Variants in SPTSSB observed in about 807,000 individuals in gnomAD.
SPTSSB encodes serine palmitoyltransferase small subunit B.
In SPTSSB, 6 loss-of-function variants were observed where a neutral mutation model predicts 7.7. The observed-to-expected ratio is 0.78, with a 90% confidence interval of 0.43 to 1.54. The LOEUF is 1.54. SPTSSB is among the 40% of genes most tolerant of loss of function. The pLI is 0.01. For synonymous variants in SPTSSB, 28 were observed against 29.7 expected (o/e 0.94, Z 0.19); for missense variants, 91 against 93.0 (o/e 0.98, Z 0.09).
At chr3:161,356,264 G>A (rs1008872901) in intron 2 of SPTSSB, among the ~76,000 whole-genome samples, 10 of 152,190 alleles carry the variant, frequency 6.6e-5, no homozygotes, top group African/African-American at 2.2e-4. Context: ...AACTGCCTTA[G>A]GAAAGACTTG....
intron 1 of SPTSSB, among the ~76,000 whole-genome samples, chr3:161,362,693 C>T (rs988657356): frequency 9.9e-5 from 15 of 151,948 alleles, no homozygotes; most frequent in African/African-American, 3.1e-4. Flanking sequence ...AGCTGCATGA[C>T]CAGACTGTGA....
rs1173947717 is a variant in SPTSSB at position 161,346,049 on chromosome 3, C to A, written c.*44G>T. On this transcript the variant is annotated 3_prime_UTR_variant, in exon 3 of 3. Coordinates refer to ENST00000620149, the MANE Select transcript of SPTSSB (RefSeq NM_001040100.2). ...GTTACCTAAATCAATAAGCTGTAAG[C>A]AACATATAAATATGCAATGCCATTT... 2.0e-6 allele frequency: 2 copies of A among 1,014,998 alleles called. No homozygotes were observed. Among genetic ancestry groups the A allele is most frequent in the Non-Finnish European group, 3.1e-6 (2 of 643,554 alleles). The allele number at this position is 1,014,998 out of a possible 1,614,324, so 62.9% of individuals were successfully genotyped here. A position where few individuals can be genotyped will look rare whatever the true frequency, so the allele number is the denominator to read the frequency against.
At chr3:161,347,647 G>A (rs566555851) in intron 2 of SPTSSB, among the ~76,000 whole-genome samples, 6 of 152,164 alleles carry the variant, frequency 3.9e-5, no homozygotes, top group African/African-American at 9.6e-5. Flanking sequence ...CAAGGCAGGC[G>A]GATCATCTGG....
chr3:161,366,985 G>A (rs1188599078), intron 1 of SPTSSB, among the ~76,000 whole-genome samples: 1 of 152,096 alleles, frequency 6.6e-6, no homozygotes, highest in Non-Finnish European at 1.5e-5. Context: ...GACCAGCCTG[G>A]CCAACATAGT....
chr3:161,371,444 G>C lies in SPTSSB; in HGVS notation c.-135C>G. On this transcript the variant is annotated 5_prime_UTR_variant, in exon 1 of 3. Transcript: ENST00000620149. ...TTTGGAAGATGCTTACCTCCCAGTTGGGTGTATCTCCCTGCGGCTTAGGTG... is the reference window on the plus strand; with the variant it reads ...TTTGGAAGATGCTTACCTCCCAGTTCGGTGTATCTCCCTGCGGCTTAGGTG... The C allele has an allele frequency of 1.0e-6, 1 of 985,444 alleles. No homozygotes were observed. The highest frequency in any genetic ancestry group is 1.2e-6 in the Non-Finnish European group (1 of 829,952). 61.0% of individuals were successfully genotyped at this position (985,444 alleles called of 1,614,324 possible). A position where few individuals can be genotyped will look rare whatever the true frequency, so the allele number is the denominator to read the frequency against.
chr3:161,355,388 A>G (rs1489757347), intron 2 of SPTSSB, among the ~76,000 whole-genome samples: 1 of 152,228 alleles, frequency 6.6e-6, no homozygotes, highest in Non-Finnish European at 1.5e-5. Context: ...TTTCTAAGTC[A>G]TTAAAGGTGT....
chr3:161,358,643 T>C (rs336593), intron 2 of SPTSSB, among the ~76,000 whole-genome samples: 93,265 of 152,066 alleles, frequency 0.61, 29,863 homozygotes, highest in East Asian at 0.97. Flanking sequence ...ATTTTTAAGG[T>C]GGGGCATATG....
At chr3:161,348,434 C>A (rs1251047637) in intron 2 of SPTSSB, among the ~76,000 whole-genome samples, 4 of 152,194 alleles carry the variant, frequency 2.6e-5, no homozygotes, top group African/African-American at 9.6e-5. Context: ...GAGCCAGAGG[C>A]ATCCAGCTAA....
At chr3:161,348,734 CTAAG>C (rs1041914226) in intron 2 of SPTSSB, among the ~76,000 whole-genome samples, 1 of 152,136 alleles carries the variant, frequency 6.6e-6, no homozygotes, top group Admixed American at 6.5e-5. Context: ...TCTCAGCCCT[CTAAG>C]TAGCCAGAAC....
intron 2 of SPTSSB, among the ~76,000 whole-genome samples, chr3:161,354,602 T>C (rs555791842): frequency 1.3e-5 from 2 of 152,376 alleles, no homozygotes; most frequent in Admixed American, 1.3e-4. Context: ...CACCTTGACC[T>C]CCCATAGTGA....
At position 161,346,132 on chromosome 3, in the gene SPTSSB, G is replaced by C. The variant is rs1345657561; in HGVS notation, c.192C>G (p.Phe64Leu). ...TACTGTGATATCCACATATTTTTGA[G>C]AAAAATTCCCAAGCCAGGCGAATGT... is the stretch of plus-strand genomic sequence containing the variant. ...PIHIRLAWEF[F>L]SKICGYHSTI... is the part of the protein sequence containing the mutation. Residue 64 changes from phenylalanine to leucine, a missense_variant, in exon 3 of 3, where the codon TTC (phenylalanine) becomes TTG (leucine). Coordinates refer to ENST00000620149, the MANE Select transcript of SPTSSB (RefSeq NM_001040100.2). The C allele has an allele frequency of 1.2e-6, 2 of 1,609,154 alleles. No individual in the cohort carries two copies. Among genetic ancestry groups the C allele is most frequent in the African/African-American group, 2.7e-5 (2 of 74,842 alleles).
At chr3:161,352,747 G>A (rs1243158850) in intron 2 of SPTSSB, among the ~76,000 whole-genome samples, 1 of 152,190 alleles carries the variant, frequency 6.6e-6, no homozygotes, top group Non-Finnish European at 1.5e-5. Flanking sequence ...TAGACAGATT[G>A]TTTTGTGAAA....
chr3:161,352,650 G>T (rs1019243531), intron 2 of SPTSSB, among the ~76,000 whole-genome samples: 3 of 152,144 alleles, frequency 2.0e-5, no homozygotes, highest in Non-Finnish European at 1.5e-5. Context: ...AAGCACACTC[G>T]AATGTACTTA....
At chr3:161,357,296 T>A (rs751518102) in intron 2 of SPTSSB, among the ~76,000 whole-genome samples, 1 of 152,212 alleles carries the variant, frequency 6.6e-6, no homozygotes, top group African/African-American at 2.4e-5. Context: ...TGCAATGATA[T>A]ACTAAAAGAA....
At chr3:161,362,005 C>T (rs922210092) in intron 1 of SPTSSB, among the ~76,000 whole-genome samples, 9 of 152,166 alleles carry the variant, frequency 5.9e-5, no homozygotes, top group African/African-American at 1.9e-4. Context: ...ACTAGGCCAA[C>T]CTGATTGATT....
chr3:161,371,260 C>T (rs1715497605), intron 1 of SPTSSB, among the ~76,000 whole-genome samples, 175 bp downstream of exon 1: 1 of 152,170 alleles, frequency 6.6e-6, no homozygotes, highest in South Asian at 2.1e-4. Flanking sequence ...TAGTTTCCCA[C>T]ATAGTGAAAG....
chr3:161,348,338 C>T (rs981712624), intron 2 of SPTSSB, among the ~76,000 whole-genome samples: 5 of 152,106 alleles, frequency 3.3e-5, no homozygotes, highest in Admixed American at 6.6e-5. Context: ...ATTAATTTCC[C>T]GGCTATTGCT....
At chr3:161,368,772 TTCTC>T (rs1391869599) in intron 1 of SPTSSB, among the ~76,000 whole-genome samples, 1 of 152,240 alleles carries the variant, frequency 6.6e-6, no homozygotes, top group East Asian at 1.9e-4. Context: ...CTAATCTACT[TTCTC>T]TATAGATTTG....
chr3:161,356,967 G>A (rs1220322921), intron 2 of SPTSSB, among the ~76,000 whole-genome samples: 1 of 151,960 alleles, frequency 6.6e-6, no homozygotes, highest in Admixed American at 6.6e-5. Flanking sequence ...GGGCAAAAGA[G>A]TAAGACTCTG....
Sources: allele counts gnomAD v4.1 joint callset (sites outside exome capture counted in the v4.1 genomes callset), GRCh38; gene constraint gnomAD v4.1.1; transcripts MANE v1.5; gene names NCBI Gene and HGNC (gene_info 2026-07-23, HGNC 2026-07-21).